KIAA0319: variants seen among roughly 807,000 people sequenced by gnomAD.
KIAA0319 encodes KIAA0319, also known as dyslexia-associated protein KIAA0319.
In KIAA0319, 83 loss-of-function variants were observed where a neutral mutation model predicts 108.4. The observed-to-expected ratio is 0.77, with a 90% confidence interval of 0.64 to 0.92. KIAA0319 has a LOEUF of 0.92. KIAA0319 is among the 40% of genes least tolerant of loss of function. The pLI is 0.00. For missense variants in KIAA0319, 1,195 were observed against 1,322.4 expected, an observed-to-expected ratio of 0.90 and a Z score of 1.49; for synonymous variants, 484 against 510.4, an observed-to-expected ratio of 0.95 and a Z score of 0.70.
At position 24,569,902 on chromosome 6, in the gene KIAA0319, C is replaced by T. The variant is rs1048635011; in HGVS notation, c.1991+1G>A. 6 of 1,613,954 alleles carry T rather than the reference C, an allele frequency of 3.7e-6. No homozygotes were observed. Among genetic ancestry groups the T allele is most frequent in the Non-Finnish European group, 5.1e-6 (6 of 1,179,874 alleles). On this transcript the variant is annotated splice_donor_variant, in intron 12 of 20. Coordinates refer to ENST00000378214, the MANE Select transcript of KIAA0319 (RefSeq NM_014809.4). LOFTEE classifies it high-confidence loss of function. ...CCTAGCTCAGTGGCGAGACAGACTA[C>T]CTGACGTGCTCCCAGTGGTAGAAGA...
At chr6:24,612,860 A>G (rs985720941) in intron 1 of KIAA0319, among the ~76,000 whole-genome samples, 14 of 152,106 alleles carry the variant, frequency 9.2e-5, no homozygotes, top group African/African-American at 2.7e-4. Flanking sequence ...GTGCAGTGGC[A>G]CGATCTCCGC....
intron 1 of KIAA0319, among the ~76,000 whole-genome samples, chr6:24,628,918 C>T (rs1459167205): frequency 1.3e-5 from 2 of 152,100 alleles, no homozygotes; most frequent in East Asian, 1.9e-4. Context: ...TGATACCATC[C>T]GCAGAAACCT....
rs1760770937 is a variant in KIAA0319, at chr6:24,547,354, G to C, written c.3041-11C>G. On this transcript the variant is annotated splice_polypyrimidine_tract_variant and intron_variant, in intron 20 of 20. Coordinates refer to ENST00000378214, the MANE Select transcript of KIAA0319 (RefSeq NM_014809.4). ...TTCGGTGCTTGATACCTAGAGAGAA[G>C]CACAGAAGCATCTGAGGAGGAACGC... 3.7e-6 allele frequency: 6 copies of C among 1,611,992 alleles called. No individual in the cohort carries two copies. Among genetic ancestry groups the C allele is most frequent in the Non-Finnish European group, 5.1e-6 (6 of 1,178,450 alleles).
At chr6:24,595,845 C>T in intron 3 of KIAA0319, 28 bp downstream of exon 3, 2 of 1,560,092 alleles carry the variant, frequency 1.3e-6, no homozygotes, top group Non-Finnish European at 1.7e-6. Flanking sequence ...GCCCATCCCA[C>T]CCCCAAGCAC....
intron 10 of KIAA0319, among the ~76,000 whole-genome samples, chr6:24,573,520 G>A (rs1321195750): frequency 2.6e-5 from 4 of 152,246 alleles, no homozygotes; most frequent in Admixed American, 6.5e-5. Flanking sequence ...AAGTTGGGTC[G>A]CATTCAAAAG....
chr6:24,634,490 G>T (rs1326566925), intron 1 of KIAA0319, among the ~76,000 whole-genome samples: 1 of 152,208 alleles, frequency 6.6e-6, no homozygotes, highest in African/African-American at 2.4e-5. Flanking sequence ...AAGTTTTAAT[G>T]TGGCTCAAAG....
intron 1 of KIAA0319, among the ~76,000 whole-genome samples, chr6:24,623,682 C>A (rs993861710): frequency 6.6e-6 from 1 of 152,152 alleles, no homozygotes; most frequent in African/African-American, 2.4e-5. Flanking sequence ...GTACAAAATA[C>A]AGTTAGAAGG....
At chr6:24,592,792 G>A (rs959675489) in intron 3 of KIAA0319, among the ~76,000 whole-genome samples, 9 of 152,018 alleles carry the variant, frequency 5.9e-5, no homozygotes, top group Non-Finnish European at 1.2e-4. Context: ...GCAACATAGC[G>A]AAATCCCATC....
chr6:24,579,817 A>AC, intron 8 of KIAA0319, 41 bp downstream of exon 8: 1 of 1,487,560 alleles, frequency 6.7e-7, no homozygotes, highest in East Asian at 2.4e-5. Context: ...CGTAGCACGT[A>AC]GAGAAAAAAA....
Position 24,610,776 on chromosome 6 carries a change from C to T in KIAA0319, c.-105-9568G>A, listed in dbSNP as rs982636164. On this transcript the variant is annotated intron_variant, in intron 1 of 20. Coordinates refer to ENST00000378214, the MANE Select transcript of KIAA0319 (RefSeq NM_014809.4). ...TGGTTTTTTTGAGCCAAGCCTCCCT[C>T]AAAACAAAAAAAAAATTGTACATGA... is the stretch of plus-strand genomic sequence containing the variant. Among the ~76,000 whole-genome samples the T allele has an allele frequency of 5.4e-5, 8 of 147,870 alleles. No individual in the cohort carries two copies. In the South Asian group the frequency reaches 1.5e-3, roughly 28 times the overall value.
At chr6:24,570,389 C>G (rs1213147560) in intron 11 of KIAA0319, among the ~76,000 whole-genome samples, 9 of 152,060 alleles carry the variant, frequency 5.9e-5, no homozygotes, top group Non-Finnish European at 1.3e-4. Context: ...GAGATCAAGA[C>G]CATCCTGGCT....
chr6:24,577,973 G>T, intron 9 of KIAA0319, 137 bp downstream of exon 9: 1 of 723,824 alleles, frequency 1.4e-6, no homozygotes, highest in Non-Finnish European at 2.2e-6. Context: ...GTCTCCAGCG[G>T]CATGCAACCA....
At chr6:24,615,311 T>C (rs1381375791) in intron 1 of KIAA0319, among the ~76,000 whole-genome samples, 1 of 152,098 alleles carries the variant, frequency 6.6e-6, no homozygotes, top group Non-Finnish European at 1.5e-5. Flanking sequence ...TATATACACA[T>C]TGGTATTATT....
chr6:24,646,148 G>A lies in KIAA0319; in HGVS notation c.-518C>T, dbSNP rs1777592021. On this transcript the variant is annotated 5_prime_UTR_variant, in exon 1 of 21. Coordinates refer to ENST00000378214, the MANE Select transcript of KIAA0319 (RefSeq NM_014809.4). Reference sequence around the variant, plus strand: ...CCCGGGGGATCCCCGCCCACCGCCCGCGGCAGCTTCTGCAGGCTCGGGGAA... The same window carrying A: ...CCCGGGGGATCCCCGCCCACCGCCCACGGCAGCTTCTGCAGGCTCGGGGAA... The A allele has an allele frequency of 6.6e-6, 1 of 152,220 alleles. No homozygotes were observed. The highest frequency in any genetic ancestry group is 1.5e-5 in the Non-Finnish European group (1 of 68,086). The allele number at this position is 152,220 out of a possible 1,614,324, so 9.4% of individuals were successfully genotyped here.
At chr6:24,628,641 C>T (rs1775061970) in intron 1 of KIAA0319, among the ~76,000 whole-genome samples, 1 of 152,296 alleles carries the variant, frequency 6.6e-6, no homozygotes, top group South Asian at 2.1e-4. Flanking sequence ...GTTTTGTAGT[C>T]TCCCACAGTT....
Position 24,582,355 on chromosome 6 carries a change from A to C in KIAA0319, c.1094-9T>G. The C allele has an allele frequency of 6.5e-7, 1 of 1,528,880 alleles. No individual in the cohort carries two copies. The highest frequency in any genetic ancestry group is 9.1e-7 in the Non-Finnish European group (1 of 1,103,084). 94.7% of individuals were successfully genotyped at this position (1,528,880 alleles called of 1,614,324 possible). A position where few individuals can be genotyped will look rare whatever the true frequency, so the allele number is the denominator to read the frequency against. On this transcript the variant is annotated splice_polypyrimidine_tract_variant and intron_variant, in intron 5 of 20. Coordinates refer to ENST00000378214, the MANE Select transcript of KIAA0319 (RefSeq NM_014809.4). ...ATAGTTGTAGGTTGTTTCTGAGAGCAAAAAATAAATATGAGTAGTTATAAA... is the reference window on the plus strand; with the variant it reads ...ATAGTTGTAGGTTGTTTCTGAGAGCCAAAAATAAATATGAGTAGTTATAAA...
At chr6:24,607,477 G>GT (rs1284027476) in intron 1 of KIAA0319, among the ~76,000 whole-genome samples, 9 of 151,998 alleles carry the variant, frequency 5.9e-5, no homozygotes, top group South Asian at 2.1e-4. Flanking sequence ...TTTGGTTCAG[G>GT]TAAGATCAAA....
Position 24,583,619 on chromosome 6 carries a change from G to A in KIAA0319, c.1078C>T (p.Pro360Ser), listed in dbSNP as rs199502265. ...NEVELKAFVA[P>S]APPVETTYNY... ...AAACTCTCACCTACAGGTGGCGCTG[G>A]CGCAACAAAGGCCTTCAGTTCAACT... is the stretch of plus-strand genomic sequence containing the variant. The change falls in exon 5 of 21, where the codon CCA (proline) becomes TCA (serine). Residue 360 changes from proline to serine, a missense_variant. Coordinates refer to ENST00000378214, the MANE Select transcript of KIAA0319 (RefSeq NM_014809.4). 2.9e-5 allele frequency: 47 copies of A among 1,612,932 alleles called. No homozygotes were observed. The Middle Eastern group carries it at 6.6e-4, about 23-fold the overall frequency.
Position 24,564,239 on chromosome 6 carries a change from G to T in KIAA0319, c.2394C>A (p.Ala798=). The T allele has an allele frequency of 6.2e-7, 1 of 1,614,118 alleles. No homozygotes were observed. Among genetic ancestry groups the T allele is most frequent in the Non-Finnish European group, 8.5e-7 (1 of 1,180,020 alleles). The change falls in exon 15 of 21, where the codon GCC becomes GCA. Residue 798 remains alanine (A), a synonymous_variant. Transcript: ENST00000378214. ...FHLRVTDSQG[A]SDTDTATVEV... ...CCACAGTGGCAGTGTCTGTGTCCGA[G>T]GCCCCCTGACTGTCGGTGACTCGCA...
Sources: gnomAD v4.1 joint callset for allele counts (sites outside exome capture counted in the v4.1 genomes callset) on GRCh38, gnomAD v4.1.1 for gene constraint, MANE v1.5 for transcripts, NCBI Gene and HGNC (gene_info 2026-07-23, HGNC 2026-07-21) for gene names.